The following ELMO1 variants were observed in gnomAD, a reference collection of about 807,000 sequenced individuals.
ELMO1 encodes the protein engulfment and cell motility protein 1.
ELMO1 carries 26 observed loss-of-function variants against 98.9 expected under a neutral mutation model. The ratio of observed to expected loss-of-function variants is 0.26; its 90% CI spans 0.19 to 0.36. The LOEUF is 0.36. Ranked by LOEUF, ELMO1 falls within the 10% of genes least tolerant of loss-of-function variation. The probability of loss-of-function intolerance (pLI) is 1.00; values close to 1 mark genes in which losing one functional copy is unlikely to be tolerated. For synonymous variants in ELMO1, 346 were observed against 346.0 expected, an observed-to-expected ratio of 1.00 and a Z score of 0.00; for missense variants, 627 against 935.2, an observed-to-expected ratio of 0.67 and a Z score of 4.30.
At chr7:37,317,497 G>C (rs1481390388) in intron 2 of ELMO1, among the ~76,000 whole-genome samples, 1 of 152,180 alleles carries the variant, frequency 6.6e-6, no homozygotes, top group Non-Finnish European at 1.5e-5. Flanking sequence ...GCCATAAAAA[G>C]AATGAGATCC....
At chr7:37,257,141 C>T (rs1036511244) in intron 6 of ELMO1, among the ~76,000 whole-genome samples, 2 of 152,286 alleles carry the variant, frequency 1.3e-5, no homozygotes, top group Admixed American at 1.3e-4. Flanking sequence ...GTCTCTCCAC[C>T]AACATAAGAG....
intron 6 of ELMO1, among the ~76,000 whole-genome samples, chr7:37,256,074 T>C (rs146732654): frequency 1.1e-4 from 17 of 152,332 alleles, no homozygotes; most frequent in African/African-American, 2.9e-4. Context: ...CAGGACCCTC[T>C]GTATCCATTC....
chr7:37,230,385 C>T (rs535821939), intron 8 of ELMO1, among the ~76,000 whole-genome samples: 102 of 152,290 alleles, frequency 6.7e-4, no homozygotes, highest in Middle Eastern at 3.4e-3. Flanking sequence ...AAGAGACAGG[C>T]TGGTTAAGCA....
chr7:36,945,858 A>G (rs1338070796), intron 16 of ELMO1, among the ~76,000 whole-genome samples: 1 of 152,232 alleles, frequency 6.6e-6, no homozygotes, highest in African/African-American at 2.4e-5. Flanking sequence ...TTTAATTAAA[A>G]GGGGCGAACA....
Position 37,317,906 on chromosome 7 carries a change from C to T in ELMO1, c.79-1946G>A, listed in dbSNP as rs146708985. 1.1e-4 allele frequency among the ~76,000 whole-genome samples: 17 copies of T among 152,216 alleles called. 1 individual carries two copies. The East Asian group carries it at 3.3e-3, about 29-fold the overall frequency. ...TCCACAATAAAATTATTATATATTCCATGCCTGTGTCAAAACATTTCATGT... is the reference window on the plus strand; with the variant it reads ...TCCACAATAAAATTATTATATATTCTATGCCTGTGTCAAAACATTTCATGT... On this transcript the variant is annotated intron_variant, in intron 2 of 21. Transcript: ENST00000310758.
chr7:37,085,266 T>C (rs1163708939), intron 15 of ELMO1, among the ~76,000 whole-genome samples: 1 of 152,272 alleles, frequency 6.6e-6, no homozygotes, highest in East Asian at 1.9e-4. Flanking sequence ...AAACTGACAC[T>C]GTAGGAAGCC....
At chr7:37,419,017 C>T (rs1804354366) in intron 1 of ELMO1, among the ~76,000 whole-genome samples, 1 of 151,948 alleles carries the variant, frequency 6.6e-6, no homozygotes, top group Admixed American at 6.6e-5. Context: ...CTAGAGACTC[C>T]CCCATAACCC....
chr7:36,925,760 T>A (rs1785517603), intron 16 of ELMO1, among the ~76,000 whole-genome samples: 1 of 152,230 alleles, frequency 6.6e-6, no homozygotes, highest in Admixed American at 6.5e-5. Flanking sequence ...TCAGCCTGGC[T>A]ATTACCTCTG....
intron 1 of ELMO1, among the ~76,000 whole-genome samples, chr7:37,382,869 A>G (rs1802636406): frequency 6.6e-6 from 1 of 151,986 alleles, no homozygotes; most frequent in African/African-American, 2.4e-5. Flanking sequence ...TCTGTTTGCT[A>G]TCTCTTGTTA....
At chr7:36,943,576 T>C (rs1266279551) in intron 16 of ELMO1, among the ~76,000 whole-genome samples, 3 of 152,232 alleles carry the variant, frequency 2.0e-5, no homozygotes, top group Non-Finnish European at 4.4e-5. Context: ...GAATCTGGCA[T>C]AGAACCATGT....
intron 14 of ELMO1, among the ~76,000 whole-genome samples, chr7:37,120,748 G>A (rs1403618490): frequency 2.0e-5 from 3 of 152,166 alleles, no homozygotes; most frequent in Non-Finnish European, 4.4e-5. Context: ...AGACTTAAAT[G>A]TGCCTGTCTG....
chr7:37,301,053 C>T (rs9769241), intron 4 of ELMO1, among the ~76,000 whole-genome samples: 78,563 of 151,606 alleles, frequency 0.52, 20,694 homozygotes, highest in East Asian at 0.7. Context: ...AGTTTATTTG[C>T]GTAGAGGTGT....
chr7:37,203,261 G>C (rs563639496), intron 13 of ELMO1, among the ~76,000 whole-genome samples: 1 of 152,292 alleles, frequency 6.6e-6, no homozygotes, highest in African/African-American at 2.4e-5. Context: ...AAACCTGTTA[G>C]AGTCTTAAGC....
chr7:36,909,690 A>G (rs1189152213), intron 16 of ELMO1, among the ~76,000 whole-genome samples: 1 of 152,168 alleles, frequency 6.6e-6, no homozygotes. Flanking sequence ...TTTTTGGTTT[A>G]TTTGCCTAAG....
intron 13 of ELMO1, among the ~76,000 whole-genome samples, chr7:37,167,914 GATA>G (rs1789837342): frequency 6.6e-6 from 1 of 152,006 alleles, no homozygotes; most frequent in Non-Finnish European, 1.5e-5. Flanking sequence ...AGTTCTCCTG[GATA>G]ATATCCTGTA....
intron 1 of ELMO1, chr7:37,376,087 A>G (rs1802329532): frequency 2.9e-6 from 1 of 345,200 alleles, no homozygotes; most frequent in Non-Finnish European, 5.6e-6. Context: ...AAAAATGAAC[A>G]AACAAACAAA....
At chr7:37,275,161 G>A (rs1363099902) in intron 4 of ELMO1, among the ~76,000 whole-genome samples, 14 of 152,204 alleles carry the variant, frequency 9.2e-5, no homozygotes, top group Non-Finnish European at 1.8e-4. Context: ...CTCAGAGGAA[G>A]AGTTCATCAG....
In ELMO1 at chr7:37,376,449, C is replaced by T. The variant is rs184182437; in HGVS notation, c.-73-33686G>A. Among the ~76,000 whole-genome samples, 417 of 152,304 alleles carry T rather than the reference C, an allele frequency of 2.7e-3. 11 individuals are homozygous for T. The highest frequency in any genetic ancestry group is 9.6e-4 in the East Asian group (5 of 5,186). Reference sequence around the variant, plus strand: ...GATTTATAACTTCGCTAATTGTTTTCATAGATAACATCACGATTGTAAAAC... The same window carrying T: ...GATTTATAACTTCGCTAATTGTTTTTATAGATAACATCACGATTGTAAAAC... On this transcript the variant is annotated intron_variant, in intron 1 of 21. Transcript: ENST00000310758.
intron 15 of ELMO1, among the ~76,000 whole-genome samples, chr7:37,016,011 C>T (rs573542707): frequency 6.6e-6 from 1 of 152,214 alleles, no homozygotes; most frequent in Non-Finnish European, 1.5e-5. Context: ...AGCGGTTGGT[C>T]TCCCTTTTAT....
Sources: gnomAD v4.1 joint callset for allele counts (sites outside exome capture counted in the v4.1 genomes callset) on GRCh38, gnomAD v4.1.1 for gene constraint, MANE v1.5 for transcripts, NCBI Gene and HGNC (gene_info 2026-07-23, HGNC 2026-07-21) for gene names.